GALNT14: variants seen among roughly 807,000 people sequenced by gnomAD.
The protein encoded by GALNT14 is UDP-GalNAc:polypeptide N-acetylgalactosaminyltransferase 14.
GALNT14 carries 60 observed loss-of-function variants against 77.5 expected under a neutral mutation model. That is an observed-to-expected ratio of 0.77 (90% CI 0.63 to 0.96). GALNT14 has a LOEUF of 0.96. GALNT14 is among the 40% of genes least tolerant of loss of function. The probability of loss-of-function intolerance (pLI) is 0.00; values close to 1 mark genes in which losing one functional copy is unlikely to be tolerated. For synonymous variants in GALNT14, 280 were observed against 281.7 expected, an observed-to-expected ratio of 0.99 and a Z score of 0.06; for missense variants, 710 against 731.0, an observed-to-expected ratio of 0.97 and a Z score of 0.33.
intron 1 of GALNT14, among the ~76,000 whole-genome samples, chr2:31,097,001 A>G (rs1267754377): frequency 6.6e-6 from 1 of 152,096 alleles, no homozygotes; most frequent in African/African-American, 2.4e-5. Flanking sequence ...TTGAGACCAC[A>G]CATGATTAGC....
chr2:30,902,460 G>C, the GALNT14 span, among the ~76,000 whole-genome samples: 1,134 of 152,192 alleles, frequency 7.5e-3, 26 homozygotes, highest in Admixed American at 0.04. Context: ...CCTTTAAGGT[G>C]ACTCTTCGTT....
chr2:30,970,255 T>C (rs1038958909), intron 2 of GALNT14, among the ~76,000 whole-genome samples: 1 of 152,108 alleles, frequency 6.6e-6, no homozygotes. Context: ...GATCAAAGGA[T>C]GCAGCGTCAA....
At chr2:30,951,771 C>T (rs1667042804) in intron 6 of GALNT14, among the ~76,000 whole-genome samples, 1 of 152,196 alleles carries the variant, frequency 6.6e-6, no homozygotes, top group South Asian at 2.1e-4. Flanking sequence ...GAGGCCTGGG[C>T]ACAGCTCTGG....
At chr2:30,957,925 CAGTGTCTGGTA>C (rs1197169556) in intron 4 of GALNT14, among the ~76,000 whole-genome samples, 3 of 152,220 alleles carry the variant, frequency 2.0e-5, no homozygotes, top group Admixed American at 1.3e-4. Context: ...ATTTGATGCA[CAGTGTCTGGTA>C]AGACACACAT....
chr2:31,065,909 A>G (rs1417969465), intron 1 of GALNT14, among the ~76,000 whole-genome samples: 1 of 152,138 alleles, frequency 6.6e-6, no homozygotes, highest in Non-Finnish European at 1.5e-5. Flanking sequence ...AGACCATCCA[A>G]AAACTTAACC....
the GALNT14 span, among the ~76,000 whole-genome samples, chr2:30,888,635 G>A: frequency 6.6e-6 from 1 of 152,072 alleles, no homozygotes; most frequent in Non-Finnish European, 1.5e-5. Context: ...GTAGGGTTGG[G>A]AGGCCGGGGG....
At chr2:31,042,552 G>A (rs78819767) in intron 1 of GALNT14, among the ~76,000 whole-genome samples, 5,494 of 152,226 alleles carry the variant, frequency 0.036, 149 homozygotes, top group Non-Finnish European at 0.055. Context: ...ACACCTGGAT[G>A]GGTGGTGGGG....
At chr2:31,044,614 G>T (rs1199319458) in intron 1 of GALNT14, among the ~76,000 whole-genome samples, 1 of 152,082 alleles carries the variant, frequency 6.6e-6, no homozygotes, top group Non-Finnish European at 1.5e-5. Context: ...TGGATAGACA[G>T]AAGTATAGGG....
At chr2:31,125,725 A>G (rs151142639) in intron 1 of GALNT14, among the ~76,000 whole-genome samples, 2,284 of 152,340 alleles carry the variant, frequency 0.015, 34 homozygotes, top group Non-Finnish European at 0.019. Context: ...TACATCCTTT[A>G]TTATCAGCTG....
At chr2:30,977,327 G>C (rs537266184) in intron 2 of GALNT14, among the ~76,000 whole-genome samples, 4 of 152,278 alleles carry the variant, frequency 2.6e-5, no homozygotes, top group African/African-American at 9.6e-5. Flanking sequence ...CTGACCTCAG[G>C]TGATCCGCCC....
At chr2:31,125,016 G>A (rs1678633971) in intron 1 of GALNT14, 1 of 633,516 alleles carries the variant, frequency 1.6e-6, no homozygotes, top group East Asian at 2.8e-5. Context: ...GCCTCCTGCT[G>A]GATGCAACTT....
chr2:30,914,159 T>G (rs961378068), intron 13 of GALNT14, among the ~76,000 whole-genome samples: 1 of 152,226 alleles, frequency 6.6e-6, no homozygotes, highest in Non-Finnish European at 1.5e-5. Flanking sequence ...TTAATTTTCA[T>G]AAGAATCCTA....
intron 2 of GALNT14, among the ~76,000 whole-genome samples, chr2:30,975,176 C>T (rs963625432): frequency 2.0e-5 from 3 of 152,140 alleles, no homozygotes; most frequent in African/African-American, 4.8e-5. Flanking sequence ...ATCTGGTGTC[C>T]GTGGAGAGGT....
chr2:30,896,532 A>G, the GALNT14 span, among the ~76,000 whole-genome samples: 23 of 152,292 alleles, frequency 1.5e-4, no homozygotes, highest in African/African-American at 5.3e-4. Context: ...CTATTATTAT[A>G]TAGCTACTAT....
intron 1 of GALNT14, among the ~76,000 whole-genome samples, chr2:31,018,345 G>C (rs1671510251): frequency 6.6e-6 from 1 of 152,232 alleles, no homozygotes; most frequent in South Asian, 2.1e-4. Context: ...ATAAAGAAAA[G>C]AGGTTTAACT....
intron 1 of GALNT14, among the ~76,000 whole-genome samples, chr2:31,084,437 A>G (rs1340474273): frequency 6.6e-6 from 1 of 152,176 alleles, no homozygotes; most frequent in Admixed American, 6.5e-5. Flanking sequence ...CCTTCTTTGG[A>G]CCAGGCAGCC....
At chr2:31,008,880 C>T (rs370283048) in intron 1 of GALNT14, among the ~76,000 whole-genome samples, 3 of 152,160 alleles carry the variant, frequency 2.0e-5, no homozygotes, top group East Asian at 1.9e-4. Flanking sequence ...GCTCCCTGCA[C>T]GGGTGGCCGG....
At chr2:30,958,135 C>A (rs1239556001) in intron 4 of GALNT14, among the ~76,000 whole-genome samples, 1 of 152,158 alleles carries the variant, frequency 6.6e-6, no homozygotes, top group Non-Finnish European at 1.5e-5. Flanking sequence ...AAAGACAGGG[C>A]CCACCTAGAC....
chr2:30,905,798 G>A (rs1328583727), downstream of GALNT14, among the ~76,000 whole-genome samples: 2 of 149,386 alleles, frequency 1.3e-5, no homozygotes, highest in Non-Finnish European at 3.0e-5. Flanking sequence ...AAAATGTTAA[G>A]GGCAGCCAGA....
Sources: gnomAD v4.1 joint callset for allele counts (sites outside exome capture counted in the v4.1 genomes callset) on GRCh38, gnomAD v4.1.1 for gene constraint, MANE v1.5 for transcripts, NCBI Gene and HGNC (gene_info 2026-07-23, HGNC 2026-07-21) for gene names.